The following COL5A1 variants were observed in gnomAD, a reference collection of about 807,000 sequenced individuals.
COL5A1 encodes the protein collagen alpha-1(V) chain.
Under a neutral mutation model 263.7 loss-of-function variants are expected in COL5A1, and 16 were observed. That is an observed-to-expected ratio of 0.06 (90% CI 0.04 to 0.09). The LOEUF is 0.09. Ranked by LOEUF, COL5A1 falls within the 10% of genes least tolerant of loss-of-function variation. COL5A1 has a pLI of 1.00. For missense variants in COL5A1, 2,036 were observed against 2,540.5 expected, an observed-to-expected ratio of 0.80 and a Z score of 4.27; for synonymous variants, 1,012 against 1,004.5, an observed-to-expected ratio of 1.01 and a Z score of -0.14.
rs771829255 is a variant in COL5A1, at chr9:134,763,746, G to A, written c.2034+9G>A. On this transcript the variant is annotated intron_variant, in intron 20 of 65. Transcript: ENST00000371817. ...GGCTGCCTGGGGAGCCCGTAAGTCTGTGAGCTGAGTGGGACGGTGGGGGCT... is the reference window on the plus strand; with the variant it reads ...GGCTGCCTGGGGAGCCCGTAAGTCTATGAGCTGAGTGGGACGGTGGGGGCT... The A allele has an allele frequency of 6.2e-7, 1 of 1,613,188 alleles. No homozygotes were observed.
chr9:134,751,360 C>A (rs568367013), intron 13 of COL5A1, among the ~76,000 whole-genome samples: 8 of 152,360 alleles, frequency 5.3e-5, no homozygotes, highest in African/African-American at 1.9e-4. Flanking sequence ...ACCCAGTAGG[C>A]CCACCTTCCA....
At chr9:134,772,191 C>T (rs1409652790) in intron 25 of COL5A1, among the ~76,000 whole-genome samples, 2 of 152,214 alleles carry the variant, frequency 1.3e-5, no homozygotes, top group Non-Finnish European at 2.9e-5. Flanking sequence ...TGTGCTGGGA[C>T]CCCTCAGTCA....
At chr9:134,831,394 T>C (rs944928838) in intron 64 of COL5A1, among the ~76,000 whole-genome samples, 2 of 152,232 alleles carry the variant, frequency 1.3e-5, no homozygotes, top group African/African-American at 2.4e-5. Flanking sequence ...CTTGCAGTCC[T>C]CTCCTCCTTT....
At chr9:134,836,421 A>G (rs1048189069) in intron 65 of COL5A1, among the ~76,000 whole-genome samples, 11 of 152,250 alleles carry the variant, frequency 7.2e-5, no homozygotes, top group Middle Eastern at 3.4e-3. Flanking sequence ...CACCAGGCCC[A>G]CCTCCAACAC....
intron 64 of COL5A1, among the ~76,000 whole-genome samples, chr9:134,830,513 A>T (rs1471798422): frequency 6.6e-6 from 1 of 152,194 alleles, no homozygotes; most frequent in Non-Finnish European, 1.5e-5. Flanking sequence ...CTCCAGAAGC[A>T]GGAGCGCTTT....
intron 16 of COL5A1, among the ~76,000 whole-genome samples, 169 bp from the exon 17 acceptor site, chr9:134,756,596 G>A (rs533651433): frequency 3.3e-5 from 5 of 152,328 alleles, no homozygotes; most frequent in African/African-American, 4.8e-5. Flanking sequence ...AGCCCCGCCC[G>A]GGCTCCTGGA....
intron 9 of COL5A1, chr9:134,732,354 AG>A: frequency 1.6e-6 from 1 of 635,590 alleles, no homozygotes; most frequent in Non-Finnish European, 2.8e-6. Context: ...GGGGCGGGAT[AG>A]GTGCTGATCA....
In COL5A1 at chr9:134,757,151, CA is replaced by C. The variant is rs1384669498; in HGVS notation, c.1881+334del. Among the ~76,000 whole-genome samples the C allele has an allele frequency of 6.6e-6, 1 of 152,082 alleles. No homozygotes were observed. Among genetic ancestry groups the C allele is most frequent in the Non-Finnish European group, 1.5e-5 (1 of 68,022 alleles). On this transcript the variant is annotated intron_variant, in intron 17 of 65. Transcript: ENST00000371817. The surrounding 1 kb of genome is among the most constrained non-coding windows in gnomAD (Gnocchi z 6.2). ...CGGGGCATATGGCAAGTGCGGGGGC[CA>C]GGGGGTCTTGTCCAGTCGGGACTCC...
chr9:134,813,858 C>A lies in COL5A1; in HGVS notation c.3853-125C>A, dbSNP rs191746934. On this transcript the variant is annotated intron_variant, in intron 48 of 65. Coordinates refer to ENST00000371817, the MANE Select transcript of COL5A1 (RefSeq NM_000093.5). Reference sequence around the variant, plus strand: ...GTGTGGGGACAGCACTCCCCAGAAACCCCTGGGTCCTGGGTGCCCAGGGGC... The same window carrying A: ...GTGTGGGGACAGCACTCCCCAGAAAACCCTGGGTCCTGGGTGCCCAGGGGC... 26,053 of 1,009,984 alleles carry A rather than the reference C, an allele frequency of 0.026. 440 individuals carry two copies. The highest frequency in any genetic ancestry group is 0.042 in the South Asian group (3,051 of 71,948). The allele number at this position is 1,009,984 out of a possible 1,614,324, so 62.6% of individuals were successfully genotyped here.
chr9:134,754,467 C>T lies in COL5A1; in HGVS notation c.1827+141C>T. On this transcript the variant is annotated intron_variant, in intron 16 of 65. Transcript: ENST00000371817. This position sits in a 1 kb window ranked among gnomAD's most constrained non-coding sequence, Gnocchi z 4.3. ...CCCTTCTTGTGATGGGTGCGTCCAT[C>T]CCCAAGGCTGCCTCTGAGCCAGCTG... is the stretch of plus-strand genomic sequence containing the variant. 1.0e-6 allele frequency: 1 copy of T among 962,028 alleles called. No individual in the cohort carries two copies. Among genetic ancestry groups the T allele is most frequent in the East Asian group, 2.5e-5 (1 of 40,070 alleles). The allele number at this position is 962,028 out of a possible 1,614,324, so 59.6% of individuals were successfully genotyped here.
chr9:134,759,249 CAT>C (rs200835059), intron 18 of COL5A1, among the ~76,000 whole-genome samples: 1,512 of 127,752 alleles, frequency 0.012, 43 homozygotes, highest in African/African-American at 0.049. Context: ...ATACACCACA[CAT>C]GTGTGCGCGC....
intron 63 of COL5A1, among the ~76,000 whole-genome samples, chr9:134,826,433 C>T (rs372869462): frequency 6.6e-6 from 1 of 152,330 alleles, no homozygotes; most frequent in South Asian, 2.1e-4. Context: ...GATTTTGTGG[C>T]ATGTCACTTA....
At chr9:134,799,971 G>C (rs2132814900) in intron 37 of COL5A1, among the ~76,000 whole-genome samples, 1 of 152,290 alleles carries the variant, frequency 6.6e-6, no homozygotes, top group African/African-American at 2.4e-5. Flanking sequence ...CACCTCTCTA[G>C]ACACATGGCG....
chr9:134,711,864 C>T (rs79602957), intron 4 of COL5A1, among the ~76,000 whole-genome samples: 2,555 of 152,108 alleles, frequency 0.017, 81 homozygotes, highest in African/African-American at 0.058. Context: ...CCCCATAGAG[C>T]CACTGCCTGG....
intron 59 of COL5A1, among the ~76,000 whole-genome samples, chr9:134,822,730 C>CAT (rs1839066329): frequency 4.3e-5 from 6 of 140,812 alleles, no homozygotes; most frequent in Admixed American, 1.4e-4. Flanking sequence ...GCCCCCCCCG[C>CAT]GGCTGTCTGA....
chr9:134,654,994 G>T (rs1588407657), intron 1 of COL5A1, among the ~76,000 whole-genome samples: 1 of 115,018 alleles, frequency 8.7e-6, no homozygotes, highest in East Asian at 3.0e-4. Flanking sequence ...CTGGAGGTGT[G>T]TAGGGCTGGG....
intron 4 of COL5A1, among the ~76,000 whole-genome samples, chr9:134,724,413 TGGGCC>T: frequency 6.6e-6 from 1 of 152,346 alleles, no homozygotes. Flanking sequence ...AGCTGGCATG[TGGGCC>T]GGGCCTGTCC....
chr9:134,680,429 C>A lies in COL5A1; in HGVS notation c.110-10483C>A, dbSNP rs538067043. Among the ~76,000 whole-genome samples, 4 of 152,300 alleles carry A rather than the reference C, an allele frequency of 2.6e-5. No homozygotes were observed. In the East Asian group the frequency reaches 7.7e-4, roughly 29 times the overall value. Reference sequence around the variant, plus strand: ...GAGGGGTGGGGACAGCAGGCCCCTTCCAGGTGCGAGCTCCCTGCCCGGCAC... The same window carrying A: ...GAGGGGTGGGGACAGCAGGCCCCTTACAGGTGCGAGCTCCCTGCCCGGCAC... On this transcript the variant is annotated intron_variant, in intron 1 of 65. Coordinates refer to ENST00000371817, the MANE Select transcript of COL5A1 (RefSeq NM_000093.5). This position sits in a 1 kb window ranked among gnomAD's most constrained non-coding sequence, Gnocchi z 5.9.
chr9:134,715,341 T>G (rs1349163628), intron 4 of COL5A1, among the ~76,000 whole-genome samples: 1 of 152,218 alleles, frequency 6.6e-6, no homozygotes. Flanking sequence ...TCTCAGTAGA[T>G]GGGATATACA....
Sources: gnomAD v4.1 joint callset for allele counts (sites outside exome capture counted in the v4.1 genomes callset) on GRCh38, gnomAD v4.1.1 for gene constraint, Gnocchi (gnomAD v3.1) non-coding constraint, MANE v1.5 for transcripts, NCBI Gene and HGNC (gene_info 2026-07-23, HGNC 2026-07-21) for gene names.